Variants in RUBCNL observed in about 807,000 individuals in gnomAD.
RUBCNL encodes the protein rubicon like autophagy enhancer.
Under a neutral mutation model 69.5 loss-of-function variants are expected in RUBCNL, and 62 were observed. The ratio of observed to expected loss-of-function variants is 0.89; its 90% CI spans 0.73 to 1.10. The LOEUF is 1.10. Among genes scored for constraint, RUBCNL ranks in the 50% least tolerant of loss-of-function variants. The pLI, the probability that RUBCNL is intolerant of heterozygous loss-of-function variation, is 0.00. For synonymous variants in RUBCNL, 291 were observed against 303.6 expected (o/e 0.96, Z 0.43); for missense variants, 768 against 798.1 (o/e 0.96, Z 0.45).
chr13:46,377,387 C>T (rs936924326), intron 2 of RUBCNL, among the ~76,000 whole-genome samples: 1 of 152,200 alleles, frequency 6.6e-6, no homozygotes, highest in Non-Finnish European at 1.5e-5. Flanking sequence ...CCTCAGCCTC[C>T]CTAGCAGCTG....
rs1184235026 is a variant in RUBCNL, at chr13:46,337,837, G to T, written c.*5548C>A. On this transcript the variant is annotated 3_prime_UTR_variant, in exon 15 of 15. Transcript: ENST00000429979. ...AGTCCAATGCAGGCACCGCACTCCTGAGTAGTTCTATTTCAAACAATCACT... is the reference window on the plus strand; with the variant it reads ...AGTCCAATGCAGGCACCGCACTCCTTAGTAGTTCTATTTCAAACAATCACT... 6.6e-6 allele frequency among the ~76,000 whole-genome samples: 1 copy of T among 152,214 alleles called. No homozygotes were observed. Among genetic ancestry groups the T allele is most frequent in the Non-Finnish European group, 1.5e-5 (1 of 68,030 alleles).
rs2049271070 is a variant in RUBCNL, at chr13:46,387,236, G to GT, written c.-342dup. 1 of 985,282 alleles carries GT rather than the reference G, an allele frequency of 1.0e-6. No homozygotes were observed. The highest frequency in any genetic ancestry group is 1.7e-5 in the African/African-American group (1 of 57,212). The allele number at this position is 985,282 out of a possible 1,614,324, so 61.0% of individuals were successfully genotyped here. On this transcript the variant is annotated 5_prime_UTR_variant, in exon 1 of 15. Transcript: ENST00000429979. The stretch of plus-strand genomic sequence containing the variant: ...GCGTTCCGTGGCCACCGCGCTCCCG[G>GT]TAACAGCAGAAAGGGGAGGGAGGAG...
chr13:46,340,646 C>T lies in RUBCNL; in HGVS notation c.*2739G>A, dbSNP rs562893419. Among the ~76,000 whole-genome samples the T allele has an allele frequency of 3.9e-5, 6 of 152,244 alleles. No individual in the cohort carries two copies. Among genetic ancestry groups the T allele is most frequent in the South Asian group, 2.1e-4 (1 of 4,828 alleles). On this transcript the variant is annotated 3_prime_UTR_variant, in exon 15 of 15. Coordinates refer to ENST00000429979, the MANE Select transcript of RUBCNL (RefSeq NM_025113.5). Reference sequence around the variant, plus strand: ...ATGGTTCTGCGGGCTGTACAAGCATCGCACCAATATCTGCTTCTGGTTAGG... The same window carrying T: ...ATGGTTCTGCGGGCTGTACAAGCATTGCACCAATATCTGCTTCTGGTTAGG...
Position 46,335,005 on chromosome 13 carries a change from G to C in RUBCNL, c.*8380C>G, listed in dbSNP as rs1005736972. ...AGAGGTTCCTGATGGAGGGAAGAGAGGAACAGCTCAGGAAGTGGTGCAGGT... is the reference window on the plus strand; with the variant it reads ...AGAGGTTCCTGATGGAGGGAAGAGACGAACAGCTCAGGAAGTGGTGCAGGT... On this transcript the variant is annotated 3_prime_UTR_variant, in exon 15 of 15. Transcript: ENST00000429979. 6.6e-6 allele frequency among the ~76,000 whole-genome samples: 1 copy of C among 152,028 alleles called. No individual in the cohort carries two copies. Among genetic ancestry groups the C allele is most frequent in the Non-Finnish European group, 1.5e-5 (1 of 68,014 alleles).
chr13:46,354,629 T>A, intron 10 of RUBCNL: 1 of 383,422 alleles, frequency 2.6e-6, no homozygotes, highest in Non-Finnish European at 5.3e-6. Flanking sequence ...CACCCCTACT[T>A]CTGTGGGCAA....
In RUBCNL at chr13:46,335,257, G is replaced by GTTTTT. The variant is rs1199330759; in HGVS notation, c.*8127_*8128insAAAAA. Among the ~76,000 whole-genome samples, 13 of 98,584 alleles carry GTTTTT rather than the reference G, an allele frequency of 1.3e-4. No homozygotes were observed. Among genetic ancestry groups the GTTTTT allele is most frequent in the African/African-American group, 4.7e-4 (12 of 25,270 alleles). 64.7% of individuals were successfully genotyped at this position (98,584 alleles called of 152,430 possible). ...TTTGTGTCTTTTTGTTGTTGTTGTTGTTGTTTTTTTTTTTTTTTTTTTTTT... is the reference window on the plus strand; with the variant it reads ...TTTGTGTCTTTTTGTTGTTGTTGTTGTTTTTTTGTTTTTTTTTTTTTTTTTTTTTT... On this transcript the variant is annotated 3_prime_UTR_variant, in exon 15 of 15. Coordinates refer to ENST00000429979, the MANE Select transcript of RUBCNL (RefSeq NM_025113.5).
chr13:46,386,649 C>A (rs143198081), intron 1 of RUBCNL, among the ~76,000 whole-genome samples: 2 of 152,254 alleles, frequency 1.3e-5, no homozygotes, highest in East Asian at 3.9e-4. Context: ...CCAAATAACA[C>A]GCCGCGATTT....
At chr13:46,388,432 GGAAGGAAGGAAA>G (rs1395857585), upstream of RUBCNL, among the ~76,000 whole-genome samples, 1 of 147,468 alleles carries the variant, frequency 6.8e-6, no homozygotes, top group South Asian at 2.2e-4. Context: ...CCTAAGCCCA[GGAAGGAAGGAAA>G]GAAGGAAGGA....
At chr13:46,350,846 C>T (rs1239016131) in intron 10 of RUBCNL, 1 of 152,524 alleles carries the variant, frequency 6.6e-6, no homozygotes, top group Non-Finnish European at 1.5e-5. Context: ...ATCATAAAGA[C>T]CTTGATAAAT....
chr13:46,361,500 A>G lies in RUBCNL; in HGVS notation c.1060T>C (p.Trp354Arg). The change falls in exon 8 of 15, where the codon TGG (tryptophan) becomes CGG (arginine). Residue 354 changes from tryptophan (W) to arginine (R), a missense_variant. Coordinates refer to ENST00000429979, the MANE Select transcript of RUBCNL (RefSeq NM_025113.5). ...KELYRVFQKC[W>R]ILSVVNSQLA... Reference sequence around the variant, plus strand: ...TGAGAATTAACTACTGACAGTATCCAGCACTTCTGGAACACGCGGTACAGC... The same window carrying G: ...TGAGAATTAACTACTGACAGTATCCGGCACTTCTGGAACACGCGGTACAGC... The G allele has an allele frequency of 6.2e-7, 1 of 1,613,954 alleles. No individual in the cohort carries two copies. Among genetic ancestry groups the G allele is most frequent in the Non-Finnish European group, 8.5e-7 (1 of 1,179,852 alleles).
intron 1 of RUBCNL, among the ~76,000 whole-genome samples, chr13:46,380,554 T>C (rs2049096201): frequency 6.6e-6 from 1 of 152,198 alleles, no homozygotes; most frequent in Non-Finnish European, 1.5e-5. Flanking sequence ...AAAGTAATTT[T>C]AAGAACTTTC....
chr13:46,353,937 C>G (rs746270181), intron 10 of RUBCNL, among the ~76,000 whole-genome samples: 1 of 152,120 alleles, frequency 6.6e-6, no homozygotes, highest in Non-Finnish European at 1.5e-5. Flanking sequence ...ACTAGTGCTA[C>G]CATACTGCAT....
chr13:46,383,331 T>A (rs954952199), intron 1 of RUBCNL, among the ~76,000 whole-genome samples: 1 of 152,168 alleles, frequency 6.6e-6, no homozygotes, highest in African/African-American at 2.4e-5. Flanking sequence ...ACCTTACCCA[T>A]CACCTTCAAA....
chr13:46,362,953 T>TATATAG (rs2048659065), intron 6 of RUBCNL, among the ~76,000 whole-genome samples, 162 bp downstream of exon 6: 1 of 68,194 alleles, frequency 1.5e-5, no homozygotes, highest in Non-Finnish European at 2.7e-5. Flanking sequence ...TATATATATA[T>TATATAG]ATATATATAT....
chr13:46,355,445 C>T (rs2048464230), intron 10 of RUBCNL, among the ~76,000 whole-genome samples: 1 of 152,060 alleles, frequency 6.6e-6, no homozygotes, highest in African/African-American at 2.4e-5. Context: ...CAGGAGCCTG[C>T]CACCCATGCC....
chr13:46,382,898 A>T (rs974218527), intron 1 of RUBCNL, among the ~76,000 whole-genome samples: 9 of 152,240 alleles, frequency 5.9e-5, no homozygotes, highest in African/African-American at 1.9e-4. Context: ...TACAGATGAT[A>T]AACAAGGTAA....
intron 12 of RUBCNL, 46 bp from the exon 13 acceptor site, chr13:46,345,646 G>C (rs761838203): frequency 2.5e-6 from 4 of 1,585,580 alleles, no homozygotes; most frequent in Non-Finnish European, 3.4e-6. Flanking sequence ...CACCCACACA[G>C]AGGACAGGGA....
At position 46,345,590 on chromosome 13, in the gene RUBCNL, C is replaced by A. The variant is rs1241685297; in HGVS notation, c.1642G>T (p.Glu548Ter). Residue 548 changes from glutamate to a stop codon, truncating the protein, a stop_gained, in exon 13 of 15, where the codon GAG (glutamate) becomes TAG (stop). Transcript: ENST00000429979. LOFTEE classifies it high-confidence loss of function. ...AAGTGTCCCGGCACCTGCTCGAACT[C>A]CTTTAATGCACTGCCAGAGAGGAAA... ...TCRFANSALKEFEQVPGHLTD... is the reference protein window; with the variant it reads ...TCRFANSALK The A allele has an allele frequency of 1.2e-6, 2 of 1,613,616 alleles. No homozygotes were observed. Among genetic ancestry groups the A allele is most frequent in the Non-Finnish European group, 1.7e-6 (2 of 1,179,778 alleles).
At chr13:46,363,657 A>G (rs1056963042) in intron 5 of RUBCNL, among the ~76,000 whole-genome samples, 8 of 152,042 alleles carry the variant, frequency 5.3e-5, no homozygotes, top group Non-Finnish European at 1.2e-4. Flanking sequence ...GTTCAAGTCC[A>G]GCCTGGGCAA....
Sources: gnomAD v4.1 joint callset for allele counts (sites outside exome capture counted in the v4.1 genomes callset) on GRCh38, gnomAD v4.1.1 for gene constraint, MANE v1.5 for transcripts, NCBI Gene and HGNC (gene_info 2026-07-23, HGNC 2026-07-21) for gene names.